The following GBE1 variants were observed in gnomAD, a reference collection of about 807,000 sequenced individuals.
GBE1 encodes 1,4-alpha-glucan-branching enzyme.
GBE1 carries 70 observed loss-of-function variants against 88.8 expected under a neutral mutation model. The observed-to-expected ratio is 0.79, with a 90% CI of 0.65 to 0.96. GBE1 has a LOEUF of 0.96. GBE1 is among the 40% of genes least tolerant of loss of function. The pLI, the probability that GBE1 is intolerant of heterozygous loss-of-function variation, is 0.00. For missense variants in GBE1, 872 were observed against 871.0 expected (o/e 1.00, Z -0.01); for synonymous variants, 284 against 300.1 (o/e 0.95, Z 0.56).
At chr3:81,569,183 A>C (rs1703537052) in intron 12 of GBE1, among the ~76,000 whole-genome samples, 1 of 152,146 alleles carries the variant, frequency 6.6e-6, no homozygotes, top group South Asian at 2.1e-4. Context: ...TAATTTTTTA[A>C]TGTTTTTAGT....
At chr3:81,595,476 A>T (rs1268967661) in intron 7 of GBE1, among the ~76,000 whole-genome samples, 4 of 152,054 alleles carry the variant, frequency 2.6e-5, no homozygotes, top group Non-Finnish European at 5.9e-5. Flanking sequence ...CCAAGCATAT[A>T]TCGATATTTT....
intron 7 of GBE1, among the ~76,000 whole-genome samples, chr3:81,624,012 A>T (rs1019220488): frequency 6.6e-6 from 1 of 152,102 alleles, no homozygotes; most frequent in Non-Finnish European, 1.5e-5. Context: ...GTCCATTTTC[A>T]TACTGCTATA....
chr3:81,514,579 A>G lies in GBE1; in HGVS notation c.1935-15352T>C, dbSNP rs1467383245. ...ACAACTGAATCCACTGCTTCCAAGA[A>G]CACACTGTTTTTGGCTCTAATATTT... On this transcript the variant is annotated intron_variant, in intron 14 of 15. Coordinates refer to ENST00000429644, the MANE Select transcript of GBE1 (RefSeq NM_000158.4). Among the ~76,000 whole-genome samples, 3 of 151,760 alleles carry G rather than the reference A, an allele frequency of 2.0e-5. No homozygotes were observed. In the East Asian group the frequency reaches 5.8e-4, roughly 29 times the overall value.
At chr3:81,677,388 G>A (rs866089968) in intron 2 of GBE1, among the ~76,000 whole-genome samples, 6 of 152,096 alleles carry the variant, frequency 3.9e-5, no homozygotes, top group Non-Finnish European at 5.9e-5. Context: ...GGATATCCTC[G>A]GGTCAAAACA....
chr3:81,738,369 A>G (rs1426186119), intron 1 of GBE1, among the ~76,000 whole-genome samples: 1 of 151,544 alleles, frequency 6.6e-6, no homozygotes, highest in Non-Finnish European at 1.5e-5. Flanking sequence ...AGTCCCACCA[A>G]CAGTGTAAAA....
At chr3:81,749,313 A>G (rs1485697402) in intron 1 of GBE1, among the ~76,000 whole-genome samples, 1 of 152,124 alleles carries the variant, frequency 6.6e-6, no homozygotes, top group Non-Finnish European at 1.5e-5. Flanking sequence ...AGAGATCTCA[A>G]GGGAATTATG....
chr3:81,750,659 G>GTATA lies in GBE1; in HGVS notation c.143+10712_143+10715dup, dbSNP rs1553696645. Among the ~76,000 whole-genome samples, 290 of 35,252 alleles carry GTATA rather than the reference G, an allele frequency of 8.2e-3. 36 individuals carry two copies. The highest frequency in any genetic ancestry group is 0.045 in the East Asian group (18 of 400). 23.1% of individuals were successfully genotyped at this position (35,252 alleles called of 152,430 possible). A position where few individuals can be genotyped will look rare whatever the true frequency, so the allele number is the denominator to read the frequency against. On this transcript the variant is annotated intron_variant, in intron 1 of 15. Transcript: ENST00000429644. ...TATATATATATGTATATATATATAT[G>GTATA]TATATATATATATACGTATATATAT...
At chr3:81,593,774 C>T (rs954036495) in intron 8 of GBE1, 134 bp downstream of exon 8, 18 of 571,938 alleles carry the variant, frequency 3.1e-5, no homozygotes, top group Non-Finnish European at 1.6e-5. Flanking sequence ...TTATAATCTA[C>T]CTTTTGCCAA....
At chr3:81,613,062 GA>G in intron 7 of GBE1, 1 of 696,576 alleles carries the variant, frequency 1.4e-6, no homozygotes, top group Non-Finnish European at 2.1e-6. Context: ...AGAGGAGGAT[GA>G]AGGAGAAGAT....
At chr3:81,549,116 G>A (rs899158460) in intron 12 of GBE1, among the ~76,000 whole-genome samples, 13 of 141,900 alleles carry the variant, frequency 9.2e-5, no homozygotes, top group African/African-American at 1.3e-4. Flanking sequence ...TGCAACCTCC[G>A]CCTCCCTGGT....
At chr3:81,501,983 C>A (rs1014199385) in intron 14 of GBE1, among the ~76,000 whole-genome samples, 3 of 149,746 alleles carry the variant, frequency 2.0e-5, no homozygotes, top group Non-Finnish European at 4.4e-5. Context: ...AATGAGCTAC[C>A]ATGCCTGGAA....
intron 10 of GBE1, among the ~76,000 whole-genome samples, chr3:81,585,081 C>T (rs1005342144): frequency 1.3e-4 from 20 of 151,884 alleles, no homozygotes; most frequent in Non-Finnish European, 2.4e-4. Flanking sequence ...GGAGAATATT[C>T]CTTTGTTTTT....
Position 81,750,617 on chromosome 3 carries a change from G to GTGTATATATATATGTA in GBE1, c.143+10757_143+10758insTACATATATATATACA, listed in dbSNP as rs1706503662. Among the ~76,000 whole-genome samples, 2 of 42,138 alleles carry GTGTATATATATATGTA rather than the reference G, an allele frequency of 4.7e-5. 1 individual carries two copies. Among genetic ancestry groups the GTGTATATATATATGTA allele is most frequent in the South Asian group, 1.1e-3 (2 of 1,858 alleles). 27.6% of individuals were successfully genotyped at this position (42,138 alleles called of 152,430 possible). The stretch of plus-strand genomic sequence containing the variant: ...TATATATATGTGTATATATATATAT[G>GTGTATATATATATGTA]TATATATATATACGTATATATATAT... On this transcript the variant is annotated intron_variant, in intron 1 of 15. Transcript: ENST00000429644.
intron 14 of GBE1, among the ~76,000 whole-genome samples, chr3:81,503,687 A>T (rs1263702971): frequency 6.6e-6 from 1 of 152,150 alleles, no homozygotes; most frequent in Non-Finnish European, 1.5e-5. Context: ...CAGCTTGTTA[A>T]GTGGTAGAGT....
chr3:81,551,421 G>C (rs1389201065), intron 12 of GBE1, among the ~76,000 whole-genome samples: 1 of 152,016 alleles, frequency 6.6e-6, no homozygotes, highest in Non-Finnish European at 1.5e-5. Flanking sequence ...CAAATCCTGG[G>C]GCCCCAGAAT....
At chr3:81,594,729 GA>G (rs1189265814) in intron 7 of GBE1, among the ~76,000 whole-genome samples, 2 of 151,964 alleles carry the variant, frequency 1.3e-5, no homozygotes, top group Non-Finnish European at 2.9e-5. Context: ...TCCATAAAAA[GA>G]GAGGGAAAAC....
rs186462307 is a variant in GBE1, at chr3:81,569,288, T to C, written c.1618+8637A>G. Among the ~76,000 whole-genome samples, 129 of 152,322 alleles carry C rather than the reference T, an allele frequency of 8.5e-4. No individual in the cohort carries two copies. The East Asian group carries it at 0.023, about 27-fold the overall frequency. ...ATTAGGAATTAAATTTTACTTTGGT[T>C]TCAATGCTAAGATAAAAAATGTTAC... On this transcript the variant is annotated intron_variant, in intron 12 of 15. Coordinates refer to ENST00000429644, the MANE Select transcript of GBE1 (RefSeq NM_000158.4).
chr3:81,648,978 C>T lies in GBE1; in HGVS notation c.569G>A (p.Arg190Lys). ...TCTTAGACTCCGTGGCTTCTTTGGT[C>T]TGGAATGCTTAAACTACAGAATATA... is the stretch of plus-strand genomic sequence containing the variant. ...PEHSYEFKHS[R>K]PKKPRSLRIY... Residue 190 changes from arginine to lysine, a missense_variant, in exon 5 of 16, where the codon AGA becomes AAA. Coordinates refer to ENST00000429644, the MANE Select transcript of GBE1 (RefSeq NM_000158.4). 1 of 1,583,588 alleles carries T rather than the reference C, an allele frequency of 6.3e-7. No homozygotes were observed. The highest frequency in any genetic ancestry group is 8.6e-7 in the Non-Finnish European group (1 of 1,162,822).
At position 81,499,170 on chromosome 3, in the gene GBE1, G is replaced by T. The variant is rs780527478; in HGVS notation, c.1992C>A (p.Asp664Glu). Reference protein sequence around the residue: ...AAEYGGHQRLDHSTDFFSEAF... With the variant: ...AAEYGGHQRLEHSTDFFSEAF... ...CCTCAGAAAAAAAGTCAGTGCTGTG[G>T]TCCAGTCTCTGATGCCCTCCATATT... Residue 664 changes from aspartate to glutamate, a missense_variant, in exon 15 of 16, where the codon GAC becomes GAA. Coordinates refer to ENST00000429644, the MANE Select transcript of GBE1 (RefSeq NM_000158.4). The T allele has an allele frequency of 5.6e-6, 9 of 1,612,216 alleles. No homozygotes were observed. Among genetic ancestry groups the T allele is most frequent in the Non-Finnish European group, 7.6e-6 (9 of 1,179,018 alleles).
Sources: gnomAD v4.1 joint callset for allele counts (sites outside exome capture counted in the v4.1 genomes callset) on GRCh38, gnomAD v4.1.1 for gene constraint, MANE v1.5 for transcripts, NCBI Gene and HGNC (gene_info 2026-07-23, HGNC 2026-07-21) for gene names.